ANKRD60: variants seen among roughly 807,000 people sequenced by gnomAD.
ANKRD60 encodes ankyrin repeat domain 60, also known as ankyrin repeat domain-containing protein 60.
ANKRD60 carries 24 observed loss-of-function variants against 21.3 expected under a neutral mutation model. The observed-to-expected ratio is 1.13, with a 90% CI of 0.82 to 1.59. ANKRD60 has a LOEUF of 1.59. ANKRD60 is among the 40% of genes most tolerant of loss of function. The pLI, the probability that ANKRD60 is intolerant of heterozygous loss-of-function variation, is 0.00. For missense variants in ANKRD60, 490 were observed against 466.7 expected (o/e 1.05, Z -0.46); for synonymous variants, 182 against 199.4 (o/e 0.91, Z 0.74).
At chr20:58,221,213 G>A in intron 3 of ANKRD60, 125 bp downstream of exon 3, 1 of 1,071,140 alleles carries the variant, frequency 9.3e-7, no homozygotes, top group Non-Finnish European at 1.3e-6. Flanking sequence ...GACCCTGACT[G>A]GTGGCTGACA....
At chr20:58,224,908 G>T (rs1201125978) in intron 1 of ANKRD60, among the ~76,000 whole-genome samples, 1 of 152,140 alleles carries the variant, frequency 6.6e-6, no homozygotes, top group Non-Finnish European at 1.5e-5. Context: ...GACGTGTAAG[G>T]GCAACCCTGG....
chr20:58,219,636 GA>G (rs1984204838), intron 3 of ANKRD60, among the ~76,000 whole-genome samples: 1 of 152,306 alleles, frequency 6.6e-6, no homozygotes, highest in East Asian at 1.9e-4. Context: ...TAACAAATAT[GA>G]CACAGAAAAC....
intron 1 of ANKRD60, among the ~76,000 whole-genome samples, chr20:58,225,694 A>G (rs1268572898): frequency 1.3e-5 from 2 of 152,194 alleles, no homozygotes; most frequent in African/African-American, 2.4e-5. Context: ...ATCTGTCTCC[A>G]TCGCTCCCCA....
downstream of ANKRD60, among the ~76,000 whole-genome samples, chr20:58,216,981 T>C (rs1019974437): frequency 1.3e-5 from 2 of 152,238 alleles, no homozygotes; most frequent in Admixed American, 1.3e-4. Flanking sequence ...GAGTCTTGGA[T>C]TGCTCCAGAG....
rs555032585 is a variant in ANKRD60 at position 58,222,527 on chromosome 20, T to C, written c.561+525A>G. ...ACAGTGATTCATCTTCCCTGTTGGG[T>C]ACACATCTGGTTTCTATCCTCCTGC... On this transcript the variant is annotated intron_variant, in intron 2 of 3. Coordinates refer to ENST00000457363, the Ensembl canonical transcript of ANKRD60. 1.5e-3 allele frequency among the ~76,000 whole-genome samples: 221 copies of C among 152,274 alleles called. 1 individual carries two copies. Among genetic ancestry groups the C allele is most frequent in the African/African-American group, 5.1e-3 (212 of 41,552 alleles).
rs1020291987 is a variant in ANKRD60, at chr20:58,228,299, G to C, written c.355C>G (p.Arg119Gly). ...AGGTCCAGCTCCTCTTTGAGCTCCCGCACGGTCATGTCGCCGCGGCAGTTT... is the reference window on the plus strand; with the variant it reads ...AGGTCCAGCTCCTCTTTGAGCTCCCCCACGGTCATGTCGCCGCGGCAGTTT... Residue 119 changes from arginine (R) to glycine (G), a missense_variant, in exon 1 of 4, where the codon CGG becomes GGG. By Grantham distance (125) the Arg-to-Gly change is moderately radical. Transcript: ENST00000457363. The surrounding 1 kb of genome is among the most constrained non-coding windows in gnomAD (Gnocchi z 5.3). 2 of 1,551,202 alleles carry C rather than the reference G, an allele frequency of 1.3e-6. No individual in the cohort carries two copies. Among genetic ancestry groups the C allele is most frequent in the Non-Finnish European group, 1.7e-6 (2 of 1,146,872 alleles).
chr20:58,216,907 G>A (rs1023901182), downstream of ANKRD60, among the ~76,000 whole-genome samples: 3 of 152,208 alleles, frequency 2.0e-5, no homozygotes, highest in African/African-American at 7.2e-5. Context: ...TCTGTGGGAG[G>A]TGGGAGAGTG....
Position 58,228,465 on chromosome 20 carries a change from C to T in ANKRD60, c.189G>A (p.Ala63=), listed in dbSNP as rs1304351136. ...GGCCGCGGGCACAGGCCAGGGGCTGCGCGGGGAGGGCCCGCGAGTCCGCCG... is the reference window on the plus strand; with the variant it reads ...GGCCGCGGGCACAGGCCAGGGGCTGTGCGGGGAGGGCCCGCGAGTCCGCCG... The change falls in exon 1 of 4, where the codon GCG becomes GCA. Residue 63 remains alanine, a synonymous_variant. Transcript: ENST00000457363. The surrounding 1 kb of genome is among the most constrained non-coding windows in gnomAD (Gnocchi z 5.3). 1 of 1,524,230 alleles carries T rather than the reference C, an allele frequency of 6.6e-7. No homozygotes were observed. The highest frequency in any genetic ancestry group is 2.5e-5 in the East Asian group (1 of 39,462). 94.4% of individuals were successfully genotyped at this position (1,524,230 alleles called of 1,614,324 possible).
chr20:58,219,651 G>C (rs150802017), intron 3 of ANKRD60, among the ~76,000 whole-genome samples: 6 of 152,146 alleles, frequency 3.9e-5, no homozygotes, highest in African/African-American at 1.4e-4. Flanking sequence ...AGAAAACAAG[G>C]CAATTCAATT....
downstream of ANKRD60, among the ~76,000 whole-genome samples, chr20:58,216,214 C>T (rs368092897): frequency 4.5e-4 from 69 of 152,200 alleles, no homozygotes; most frequent in Middle Eastern, 0.01. Context: ...TAAAATGAAG[C>T]GCTCCCCAGG....
chr20:58,218,361 G>T, downstream of ANKRD60: 1 of 863,458 alleles, frequency 1.2e-6, no homozygotes, highest in Non-Finnish European at 1.8e-6. Flanking sequence ...TTGCAAACAG[G>T]ACAGATAATT....
At position 58,228,284 on chromosome 20, in the gene ANKRD60, C is replaced by A. The variant is rs779491609; in HGVS notation, c.370G>T (p.Glu124Ter). 84 of 1,551,370 alleles carry A rather than the reference C, an allele frequency of 5.4e-5. No homozygotes were observed. Among genetic ancestry groups the A allele is most frequent in the Non-Finnish European group, 7.1e-5 (81 of 1,146,920 alleles). Residue 124 changes from glutamate (E) to a stop codon, truncating the protein, a stop_gained, in exon 1 of 4, where the codon GAG becomes TAG. Transcript: ENST00000457363. LOFTEE classifies it high-confidence loss of function. This position sits in a 1 kb window ranked among gnomAD's most constrained non-coding sequence, Gnocchi z 5.3. ...GGGATGCCGACCATCAGGTCCAGCT[C>A]CTCTTTGAGCTCCCGCACGGTCATG... is the stretch of plus-strand genomic sequence containing the variant.
Position 58,228,302 on chromosome 20 carries a change from C to A in ANKRD60, c.352G>T (p.Val118Leu), listed in dbSNP as rs377420268. ...TCCAGCTCCTCTTTGAGCTCCCGCACGGTCATGTCGCCGCGGCAGTTTGCC... is the reference window on the plus strand; with the variant it reads ...TCCAGCTCCTCTTTGAGCTCCCGCAAGGTCATGTCGCCGCGGCAGTTTGCC... The change falls in exon 1 of 4, where the codon GTG becomes TTG. Residue 118 changes from valine to leucine, a missense_variant. Coordinates refer to ENST00000457363, the Ensembl canonical transcript of ANKRD60. The surrounding 1 kb of genome is among the most constrained non-coding windows in gnomAD (Gnocchi z 5.3). 19 of 1,551,250 alleles carry A rather than the reference C, an allele frequency of 1.2e-5. No homozygotes were observed. In the African/African-American group the frequency reaches 2.3e-4, roughly 19 times the overall value.
chr20:58,227,246 G>T (rs1450684123), intron 1 of ANKRD60, among the ~76,000 whole-genome samples: 3 of 152,168 alleles, frequency 2.0e-5, no homozygotes, highest in East Asian at 1.9e-4. Context: ...TGACCTCTTT[G>T]CCTGGACACA....
chr20:58,218,941 C>T (rs1742824059), intron 3 of ANKRD60, 136 bp from the exon 4 acceptor site: 3 of 753,516 alleles, frequency 4.0e-6, no homozygotes, highest in Non-Finnish European at 6.2e-6. Flanking sequence ...GCCCCCAGTC[C>T]ACTCCCCTGG....
intron 1 of ANKRD60, among the ~76,000 whole-genome samples, chr20:58,224,174 G>C (rs994201609): frequency 6.6e-6 from 1 of 151,806 alleles, no homozygotes; most frequent in African/African-American, 2.4e-5. Context: ...AAGAGCCGAC[G>C]TGATGTGAGG....
chr20:58,222,966 A>G, intron 2 of ANKRD60, 86 bp downstream of exon 2: 3 of 1,413,582 alleles, frequency 2.1e-6, no homozygotes, highest in East Asian at 2.5e-5. Context: ...TGTTATTCAC[A>G]TATCCGTATT....
At position 58,228,348 on chromosome 20, in the gene ANKRD60, C is replaced by G; in HGVS notation, c.306G>C (p.Glu102Asp). 4.5e-6 allele frequency: 7 copies of G among 1,550,762 alleles called. No homozygotes were observed. The highest frequency in any genetic ancestry group is 5.2e-6 in the Non-Finnish European group (6 of 1,146,942). ...TTGCCACTCGGAACATCTCCCCCGTCTCCTCCAGCCGCACCCGCAGGACGA... is the reference window on the plus strand; with the variant it reads ...TTGCCACTCGGAACATCTCCCCCGTGTCCTCCAGCCGCACCCGCAGGACGA... Residue 102 changes from glutamate to aspartate, a missense_variant, in exon 1 of 4, where the codon GAG becomes GAC. Physicochemically the swap from Glu to Asp is conservative, Grantham distance 45 (BLOSUM62 2). Transcript: ENST00000457363. The surrounding 1 kb of genome is among the most constrained non-coding windows in gnomAD (Gnocchi z 5.3).
In ANKRD60 at chr20:58,222,932, G is replaced by A. The variant is rs536761494; in HGVS notation, c.561+120C>T. 2.8e-5 allele frequency: 35 copies of A among 1,239,134 alleles called. 1 individual carries two copies. Among genetic ancestry groups the A allele is most frequent in the South Asian group, 1.8e-4 (9 of 51,296 alleles). The allele number at this position is 1,239,134 out of a possible 1,614,324, so 76.8% of individuals were successfully genotyped here. On this transcript the variant is annotated intron_variant, in intron 2 of 3. Transcript: ENST00000457363. ...TTTCATAATTATGACACGGCTCATCGTTCTCTCTTCCCTGCTCTGAAACTG... is the reference window on the plus strand; with the variant it reads ...TTTCATAATTATGACACGGCTCATCATTCTCTCTTCCCTGCTCTGAAACTG...
Sources: gnomAD v4.1 joint callset for allele counts (sites outside exome capture counted in the v4.1 genomes callset) on GRCh38, gnomAD v4.1.1 for gene constraint, Gnocchi (gnomAD v3.1) non-coding constraint, MANE v1.5 for transcripts, NCBI Gene and HGNC (gene_info 2026-07-23, HGNC 2026-07-21) for gene names.